Variants in ZHX3 observed in about 807,000 individuals in gnomAD.
ZHX3 encodes the protein zinc fingers and homeoboxes 3.
Under a neutral mutation model 64.5 loss-of-function variants are expected in ZHX3, and 20 were observed. The observed-to-expected ratio is 0.31, with a 90% CI of 0.22 to 0.45. ZHX3 has a LOEUF of 0.45. Ranked by LOEUF, ZHX3 falls within the 20% of genes least tolerant of loss-of-function variation. ZHX3 has a pLI of 1.00. For missense variants in ZHX3, 1,041 were observed against 1,195.8 expected, an observed-to-expected ratio of 0.87 and a Z score of 1.91; for synonymous variants, 423 against 461.6, an observed-to-expected ratio of 0.92 and a Z score of 1.07.
rs1360615195 is a variant in ZHX3 at position 41,180,626 on chromosome 20, T to G, written c.*4565A>C. The G allele has an allele frequency of 6.6e-6, 1 of 152,332 alleles. No homozygotes were observed. Among genetic ancestry groups the G allele is most frequent in the South Asian group, 2.1e-4 (1 of 4,832 alleles). The allele number at this position is 152,332 out of a possible 1,614,324, so 9.4% of individuals were successfully genotyped here. A position where few individuals can be genotyped will look rare whatever the true frequency, so the allele number is the denominator to read the frequency against. On this transcript the variant is annotated 3_prime_UTR_variant, in exon 4 of 4. Coordinates refer to ENST00000683867, the MANE Select transcript of ZHX3 (RefSeq NM_001384317.1). ...CCCCTCTCCAAGGCCAGACGCTCTC[T>G]GTACTCCCATTAACTTCACAACCAA...
At chr20:41,205,639 C>T (rs1025114311) in intron 2 of ZHX3, among the ~76,000 whole-genome samples, 6 of 152,100 alleles carry the variant, frequency 3.9e-5, no homozygotes, top group African/African-American at 7.2e-5. Context: ...CCTTGCCTGC[C>T]GCACTTATTC....
In ZHX3 at chr20:41,219,951, T is replaced by A. The variant is rs1224387690; in HGVS notation, c.-150-14885A>T. On this transcript the variant is annotated intron_variant, in intron 2 of 3. Transcript: ENST00000683867. This position sits in a 1 kb window ranked among gnomAD's most constrained non-coding sequence, Gnocchi z 5.0. The stretch of plus-strand genomic sequence containing the variant: ...GAAGAACAATAGCTGACCTGCCATG[T>A]ACATGCAGTATGAACAAGAAATAAC... 6.6e-6 allele frequency among the ~76,000 whole-genome samples: 1 copy of A among 152,264 alleles called. No individual in the cohort carries two copies. The highest frequency in any genetic ancestry group is 6.5e-5 in the Admixed American group (1 of 15,290).
Position 41,247,359 on chromosome 20 carries a change from C to G in ZHX3, c.-151+21631G>C, listed in dbSNP as rs143380295. 5.5e-3 allele frequency among the ~76,000 whole-genome samples: 836 copies of G among 152,250 alleles called. 3 individuals carry two copies. The highest frequency in any genetic ancestry group is 8.7e-3 in the Non-Finnish European group (589 of 68,010). On this transcript the variant is annotated intron_variant, in intron 2 of 3. Coordinates refer to ENST00000683867, the MANE Select transcript of ZHX3 (RefSeq NM_001384317.1). The stretch of plus-strand genomic sequence containing the variant: ...TCACTGTGTTCAGAGTTGGATGAAC[C>G]TGGGTTCTAATCTGGACTCAGCTAC...
intron 2 of ZHX3, among the ~76,000 whole-genome samples, chr20:41,241,826 ATTGCT>A (rs1291936788): frequency 6.6e-6 from 1 of 152,156 alleles, no homozygotes; most frequent in African/African-American, 2.4e-5. Context: ...GACTCTGTAG[ATTGCT>A]TTGGGTAGTA....
At chr20:41,242,458 G>A (rs2041442284) in intron 2 of ZHX3, among the ~76,000 whole-genome samples, 1 of 152,198 alleles carries the variant, frequency 6.6e-6, no homozygotes, top group African/African-American at 2.4e-5. Context: ...GCTAAGTCCT[G>A]AGATATGGAG....
intron 2 of ZHX3, among the ~76,000 whole-genome samples, chr20:41,220,335 G>A (rs376752782): frequency 2.6e-5 from 4 of 152,190 alleles, no homozygotes; most frequent in Admixed American, 6.5e-5. Context: ...TACAAAAACC[G>A]TAGAGGGAGG....
At chr20:41,302,389 T>C (rs926783923) in intron 1 of ZHX3, among the ~76,000 whole-genome samples, 1 of 152,240 alleles carries the variant, frequency 6.6e-6, no homozygotes, top group African/African-American at 2.4e-5. Flanking sequence ...CCCTCTTCCC[T>C]GACCCAGGGA....
At chr20:41,268,405 TA>T (rs1240501593) in intron 2 of ZHX3, among the ~76,000 whole-genome samples, 2 of 152,280 alleles carry the variant, frequency 1.3e-5, no homozygotes, top group Non-Finnish European at 2.9e-5. Context: ...AGTTTAGCAT[TA>T]AAAAAAGTTT....
At chr20:41,210,902 A>G (rs1284265345) in intron 2 of ZHX3, among the ~76,000 whole-genome samples, 1 of 152,172 alleles carries the variant, frequency 6.6e-6, no homozygotes, top group Non-Finnish European at 1.5e-5. Context: ...AAGAAAGGAA[A>G]GAAGAAAGAA....
At chr20:41,283,665 T>C (rs1228364344) in intron 1 of ZHX3, among the ~76,000 whole-genome samples, 2 of 151,838 alleles carry the variant, frequency 1.3e-5, no homozygotes, top group Non-Finnish European at 2.9e-5. Flanking sequence ...GCTGAGGCAG[T>C]AGAATGATGT....
chr20:41,294,419 C>T (rs1447925257), intron 1 of ZHX3, among the ~76,000 whole-genome samples: 2 of 152,014 alleles, frequency 1.3e-5, no homozygotes, highest in African/African-American at 2.4e-5. Flanking sequence ...TGAAGTACAG[C>T]GATATGATCT....
Position 41,207,552 on chromosome 20 carries a change from G to A in ZHX3, c.-150-2486C>T, listed in dbSNP as rs576997150. On this transcript the variant is annotated intron_variant, in intron 2 of 3. Coordinates refer to ENST00000683867, the MANE Select transcript of ZHX3 (RefSeq NM_001384317.1). ...AGGATTAAGAAACTCACTCAAAACCGCTCAACTACATGGAAACTGAACATC... is the reference window on the plus strand; with the variant it reads ...AGGATTAAGAAACTCACTCAAAACCACTCAACTACATGGAAACTGAACATC... 7.9e-5 allele frequency among the ~76,000 whole-genome samples: 12 copies of A among 152,106 alleles called. No homozygotes were observed. In the South Asian group the frequency reaches 8.3e-4, roughly 11 times the overall value.
chr20:41,265,609 A>C (rs6072320), intron 2 of ZHX3, among the ~76,000 whole-genome samples: 1 of 151,938 alleles, frequency 6.6e-6, no homozygotes, highest in African/African-American at 2.4e-5. Context: ...CAGCTTTTTA[A>C]ATGTTGATGT....
intron 2 of ZHX3, among the ~76,000 whole-genome samples, chr20:41,262,822 GA>G (rs555233885): frequency 3.3e-5 from 5 of 150,226 alleles, no homozygotes; most frequent in South Asian, 2.1e-4. Flanking sequence ...ATTAAGGGGT[GA>G]AAAAAAAATT....
chr20:41,181,085 G>A lies in ZHX3; in HGVS notation c.*4106C>T, dbSNP rs1285337413. 6.6e-6 allele frequency: 1 copy of A among 152,338 alleles called. No individual in the cohort carries two copies. Among genetic ancestry groups the A allele is most frequent in the Non-Finnish European group, 1.5e-5 (1 of 68,168 alleles). The allele number at this position is 152,338 out of a possible 1,614,324, so 9.4% of individuals were successfully genotyped here. A position where few individuals can be genotyped will look rare whatever the true frequency, so the allele number is the denominator to read the frequency against. On this transcript the variant is annotated 3_prime_UTR_variant, in exon 4 of 4. Coordinates refer to ENST00000683867, the MANE Select transcript of ZHX3 (RefSeq NM_001384317.1). ...GGTCTGGGCAGGCTGGCTGAGAGAG[G>A]TCTGTGCTCTCAGGTAAAAGGAGAG...
At chr20:41,286,597 C>A (rs2043947762) in intron 1 of ZHX3, among the ~76,000 whole-genome samples, 1 of 152,210 alleles carries the variant, frequency 6.6e-6, no homozygotes, top group African/African-American at 2.4e-5. Context: ...CCTCCAATGG[C>A]TTCCCATTTC....
chr20:41,204,724 C>A lies in ZHX3; in HGVS notation c.193G>T (p.Ala65Ser). Reference protein sequence around the residue: ...NPSSTDGSTLANGHRSTLDGY... With the variant: ...NPSSTDGSTLSNGHRSTLDGY... ...TCTAAAGTGCTCCGATGCCCATTGG[C>A]CAGTGTAGAGCCATCAGTACTGCTG... Residue 65 changes from alanine (A) to serine (S), a missense_variant, in exon 3 of 4, where the codon GCC becomes TCC. This residue lies in a region of ZHX3 where 358 missense variants were observed against 369.1 expected (regional missense o/e 0.97). Transcript: ENST00000683867. This position sits in a 1 kb window ranked among gnomAD's most constrained non-coding sequence, Gnocchi z 6.6. 6.2e-7 allele frequency: 1 copy of A among 1,614,226 alleles called. No individual in the cohort carries two copies. The highest frequency in any genetic ancestry group is 2.2e-5 in the East Asian group (1 of 44,886).
At chr20:41,196,392 T>TA (rs1409388609) in intron 3 of ZHX3, among the ~76,000 whole-genome samples, 1 of 54,492 alleles carries the variant, frequency 1.8e-5, no homozygotes, top group African/African-American at 1.2e-4. Context: ...TAAATATATA[T>TA]TTATATATAT....
rs760061000 is a variant in ZHX3 at position 41,202,525 on chromosome 20, T to C, written c.2392A>G (p.Met798Val). 1.2e-6 allele frequency: 2 copies of C among 1,614,204 alleles called. No individual in the cohort carries two copies. The highest frequency in any genetic ancestry group is 2.2e-5 in the East Asian group (1 of 44,872). Reference sequence around the variant, plus strand: ...GGCCGTGGCAGACCCGTCTGGGCCATGATGGAGTCATAGTCCTGGTTGCTT... The same window carrying C: ...GGCCGTGGCAGACCCGTCTGGGCCACGATGGAGTCATAGTCCTGGTTGCTT... Reference protein sequence around the residue: ...WPSNQDYDSIMAQTGLPRPEV... With the variant: ...WPSNQDYDSIVAQTGLPRPEV... Residue 798 changes from methionine (M) to valine (V), a missense_variant, in exon 3 of 4, where the codon ATG becomes GTG. By Grantham distance (21) the Met-to-Val change is conservative. This residue lies in a region of ZHX3 where 649 missense variants were observed against 739.8 expected (regional missense o/e 0.88). Coordinates refer to ENST00000683867, the MANE Select transcript of ZHX3 (RefSeq NM_001384317.1). This position sits in a 1 kb window ranked among gnomAD's most constrained non-coding sequence, Gnocchi z 7.0.
Sources: allele counts gnomAD v4.1 joint callset (sites outside exome capture counted in the v4.1 genomes callset), GRCh38; gene constraint gnomAD v4.1.1; regional missense constraint gnomAD v4.1.1; non-coding constraint Gnocchi (gnomAD v3.1); transcripts MANE v1.5; gene names NCBI Gene and HGNC (gene_info 2026-07-23, HGNC 2026-07-21).